Variants in OR2H2 observed in about 807,000 individuals in gnomAD.
The protein encoded by OR2H2 is olfactory receptor 2H2.
For missense variants in OR2H2, 295 were observed against 313.7 expected, an observed-to-expected ratio of 0.94 and a Z score of 0.45; for synonymous variants, 146 against 132.4, an observed-to-expected ratio of 1.10 and a Z score of -0.71.
At chr6:29,586,220 G>C (rs1437743808) in intron 1 of OR2H2, among the ~76,000 whole-genome samples, 1 of 152,222 alleles carries the variant, frequency 6.6e-6, no homozygotes, top group Non-Finnish European at 1.5e-5. Flanking sequence ...GCCAGGCACA[G>C]TGACTCATGC....
rs1760415386 is a variant in OR2H2, at chr6:29,588,213, T to C, written c.269T>C (p.Ile90Thr). The C allele has an allele frequency of 6.6e-7, 1 of 1,525,522 alleles. No homozygotes were observed. The highest frequency in any genetic ancestry group is 9.1e-7 in the Non-Finnish European group (1 of 1,100,308). 94.5% of individuals were successfully genotyped at this position (1,525,522 alleles called of 1,614,324 possible). Reference sequence around the variant, plus strand: ...AACCTCTGGGGCCCAAAGAAGACCATCAGCTTCCTGGACTGCTCTGTCCAG... The same window carrying C: ...AACCTCTGGGGCCCAAAGAAGACCACCAGCTTCCTGGACTGCTCTGTCCAG... ...LVNLWGPKKT[I>T]SFLDCSVQIF... The change falls in exon 2 of 2, where the codon ATC becomes ACC. Residue 90 changes from isoleucine (I) to threonine (T), a missense_variant. Physicochemically the swap from Ile to Thr is moderately conservative, Grantham distance 89. Transcript: ENST00000641840.
intron 1 of OR2H2, among the ~76,000 whole-genome samples, chr6:29,587,254 C>G (rs1760324180): frequency 6.6e-6 from 1 of 152,292 alleles, no homozygotes; most frequent in Middle Eastern, 3.4e-3. Flanking sequence ...AAGGACGAAG[C>G]ATGTGGACCA....
At chr6:29,585,806 C>A (rs919581510) in intron 1 of OR2H2, among the ~76,000 whole-genome samples, 1 of 151,560 alleles carries the variant, frequency 6.6e-6, no homozygotes, top group Non-Finnish European at 1.5e-5. Context: ...AGACAGAGAA[C>A]AAAGAGGGAA....
rs566198201 is a variant in OR2H2 at position 29,589,103 on chromosome 6, T to C, written c.*220T>C. 8.7e-5 allele frequency: 47 copies of C among 541,846 alleles called. No homozygotes were observed. Among genetic ancestry groups the C allele is most frequent in the South Asian group, 1.3e-4 (4 of 30,558 alleles). 33.6% of individuals were successfully genotyped at this position (541,846 alleles called of 1,614,324 possible). A position where few individuals can be genotyped will look rare whatever the true frequency, so the allele number is the denominator to read the frequency against. ...CGAAAAATTATAGGCATCAAGTATA[T>C]TTTATATTTTTTTCTACTTTAAGTC... On this transcript the variant is annotated 3_prime_UTR_variant, in exon 2 of 2. Coordinates refer to ENST00000641840, the MANE Select transcript of OR2H2 (RefSeq NM_007160.4).
intron 1 of OR2H2, among the ~76,000 whole-genome samples, chr6:29,586,514 A>G (rs1178576423): frequency 6.6e-6 from 1 of 150,892 alleles, no homozygotes; most frequent in Non-Finnish European, 1.5e-5. Flanking sequence ...AAAAAATTAG[A>G]ATGGTGGTGA....
Position 29,589,089 on chromosome 6 carries a change from A to G in OR2H2, c.*206A>G, listed in dbSNP as rs1437200284. 5.3e-6 allele frequency: 3 copies of G among 561,470 alleles called. No homozygotes were observed. Among genetic ancestry groups the G allele is most frequent in the Non-Finnish European group, 9.6e-6 (3 of 310,984 alleles). 34.8% of individuals were successfully genotyped at this position (561,470 alleles called of 1,614,324 possible). On this transcript the variant is annotated 3_prime_UTR_variant, in exon 2 of 2. Transcript: ENST00000641840. ...GAGGTATCTTTATGCGAAAAATTAT[A>G]GGCATCAAGTATATTTTATATTTTT...
In OR2H2 at chr6:29,589,745, T is replaced by C. The variant is rs1269806965; in HGVS notation, c.*862T>C. ...TATGATACTATAAGCATTTATGTAA[T>C]TGTTATGTTAACCCAAGTAACACTT... On this transcript the variant is annotated 3_prime_UTR_variant, in exon 2 of 2. Transcript: ENST00000641840. The C allele has an allele frequency of 6.6e-6, 1 of 152,258 alleles. No individual in the cohort carries two copies. The highest frequency in any genetic ancestry group is 1.9e-4 in the East Asian group (1 of 5,206). 9.4% of individuals were successfully genotyped at this position (152,258 alleles called of 1,614,324 possible).
Position 29,587,922 on chromosome 6 carries a change from C to T in OR2H2, c.-23C>T, listed in dbSNP as rs1485477237. ...ACACTGGAGTGACAGCCTCATCCCTCCAGGTACAAACAAGAACAGGCCATG... is the reference window on the plus strand; with the variant it reads ...ACACTGGAGTGACAGCCTCATCCCTTCAGGTACAAACAAGAACAGGCCATG... On this transcript the variant is annotated 5_prime_UTR_variant, in exon 2 of 2. Transcript: ENST00000641840. 2 of 785,822 alleles carry T rather than the reference C, an allele frequency of 2.5e-6. No homozygotes were observed. Among genetic ancestry groups the T allele is most frequent in the Non-Finnish European group, 4.6e-6 (2 of 435,972 alleles). The allele number at this position is 785,822 out of a possible 1,614,324, so 48.7% of individuals were successfully genotyped here.
Position 29,589,879 on chromosome 6 carries a change from C to T in OR2H2, c.*996C>T, listed in dbSNP as rs2127362603. On this transcript the variant is annotated 3_prime_UTR_variant, in exon 2 of 2. Transcript: ENST00000641840. The stretch of plus-strand genomic sequence containing the variant: ...CATTTCATACACCTAACCTACCAAA[C>T]ATCATAGCTTAGCCTAGCCTACCTT... The T allele has an allele frequency of 6.6e-6, 1 of 152,344 alleles. No individual in the cohort carries two copies. The highest frequency in any genetic ancestry group is 1.5e-5 in the Non-Finnish European group (1 of 68,040). 9.4% of individuals were successfully genotyped at this position (152,344 alleles called of 1,614,324 possible).
chr6:29,585,893 C>G (rs1300487509), intron 1 of OR2H2, among the ~76,000 whole-genome samples: 4 of 151,900 alleles, frequency 2.6e-5, no homozygotes, highest in African/African-American at 9.7e-5. Context: ...AATGAAATGC[C>G]AAGATAATGA....
At chr6:29,587,217 G>C (rs1184870808) in intron 1 of OR2H2, among the ~76,000 whole-genome samples, 1 of 152,076 alleles carries the variant, frequency 6.6e-6, no homozygotes, top group Non-Finnish European at 1.5e-5. Flanking sequence ...GGCCACTCTT[G>C]CCTCCTACTT....
At chr6:29,587,457 C>T (rs965960245) in intron 1 of OR2H2, 12 of 157,392 alleles carry the variant, frequency 7.6e-5, no homozygotes, top group Admixed American at 4.3e-4. Context: ...GTACAGAGTT[C>T]TATAAAATTC....
intron 1 of OR2H2, among the ~76,000 whole-genome samples, chr6:29,586,485 T>TAAA (rs771489542): frequency 2.1e-3 from 173 of 82,424 alleles, no homozygotes; most frequent in African/African-American, 7.0e-3. Context: ...AACGTGACTC[T>TAAA]AAAAAAAAAA....
At chr6:29,587,099 T>G (rs555634404) in intron 1 of OR2H2, among the ~76,000 whole-genome samples, 64 of 152,378 alleles carry the variant, frequency 4.2e-4, no homozygotes, top group African/African-American at 1.4e-3. Context: ...CTTTAAATTT[T>G]GGACTCTCTT....
Position 29,589,090 on chromosome 6 carries a change from G to C in OR2H2, c.*207G>C. On this transcript the variant is annotated 3_prime_UTR_variant, in exon 2 of 2. Transcript: ENST00000641840. The stretch of plus-strand genomic sequence containing the variant: ...AGGTATCTTTATGCGAAAAATTATA[G>C]GCATCAAGTATATTTTATATTTTTT... 1.8e-6 allele frequency: 1 copy of C among 557,314 alleles called. No individual in the cohort carries two copies. The highest frequency in any genetic ancestry group is 3.2e-6 in the Non-Finnish European group (1 of 308,754). 34.5% of individuals were successfully genotyped at this position (557,314 alleles called of 1,614,324 possible).
intron 1 of OR2H2, among the ~76,000 whole-genome samples, chr6:29,585,565 C>T (rs1039435017): frequency 1.3e-5 from 2 of 152,220 alleles, no homozygotes; most frequent in Middle Eastern, 3.4e-3. Flanking sequence ...CTGTGAGAAC[C>T]AGATGTTCAG....
Position 29,588,953 on chromosome 6 carries a change from C to A in OR2H2, c.*70C>A. On this transcript the variant is annotated 3_prime_UTR_variant, in exon 2 of 2. Coordinates refer to ENST00000641840, the MANE Select transcript of OR2H2 (RefSeq NM_007160.4). ...GCTTTTATCAGAAAGTTTGAGTTCC[C>A]TGCCCCTCTGCCTTCTTCACACCCA... 1.4e-6 allele frequency: 1 copy of A among 696,012 alleles called. No individual in the cohort carries two copies. The highest frequency in any genetic ancestry group is 2.5e-5 in the East Asian group (1 of 39,452). 43.1% of individuals were successfully genotyped at this position (696,012 alleles called of 1,614,324 possible).
chr6:29,589,051 A>C lies in OR2H2; in HGVS notation c.*168A>C. On this transcript the variant is annotated 3_prime_UTR_variant, in exon 2 of 2. Transcript: ENST00000641840. ...TATGTGTGCAAGAGACAGCGACTGA[A>C]ATGTAGTAAAGGGAGGTATCTTTAT... 1.7e-6 allele frequency: 1 copy of C among 593,886 alleles called. No homozygotes were observed. Among genetic ancestry groups the C allele is most frequent in the Non-Finnish European group, 3.1e-6 (1 of 326,156 alleles). 36.8% of individuals were successfully genotyped at this position (593,886 alleles called of 1,614,324 possible). A position where few individuals can be genotyped will look rare whatever the true frequency, so the allele number is the denominator to read the frequency against.
In OR2H2 at chr6:29,588,319, C is replaced by T. The variant is rs753093829; in HGVS notation, c.375C>T (p.Cys125=). The change falls in exon 2 of 2, where the codon TGC becomes TGT. Residue 125 remains cysteine, a synonymous_variant. Transcript: ENST00000641840. The part of the protein sequence containing the change: ...VMAFDRYVAV[C]QPLHYATIIH... ...CTTTTGATCGCTACGTGGCTGTCTG[C>T]CAGCCCCTCCACTATGCCACCATCA... The T allele has an allele frequency of 6.8e-6, 11 of 1,612,718 alleles. No homozygotes were observed. Among genetic ancestry groups the T allele is most frequent in the Middle Eastern group, 1.6e-4 (1 of 6,084 alleles).
Sources: gnomAD v4.1 joint callset for allele counts (sites outside exome capture counted in the v4.1 genomes callset) on GRCh38, gnomAD v4.1.1 for gene constraint, MANE v1.5 for transcripts, NCBI Gene and HGNC (gene_info 2026-07-23, HGNC 2026-07-21) for gene names.